The following SLC9A9 variants were observed in gnomAD, a reference collection of about 807,000 sequenced individuals.
SLC9A9 encodes solute carrier family 9 member A9.
A neutral mutation model predicts 77.8 loss-of-function variants in SLC9A9; 62 were observed. The observed-to-expected ratio is 0.80, with a 90% CI of 0.65 to 0.98. The LOEUF is 0.98. SLC9A9 is among the 50% of genes least tolerant of loss of function. The pLI, the probability that SLC9A9 is intolerant of heterozygous loss-of-function variation, is 0.00. For synonymous variants in SLC9A9, 320 were observed against 283.5 expected, an observed-to-expected ratio of 1.13 and a Z score of -1.29; for missense variants, 775 against 774.9, an observed-to-expected ratio of 1.00 and a Z score of 0.00.
In SLC9A9 at chr3:143,466,997, T is replaced by G. The variant is rs2035290346; in HGVS notation, c.1469+40A>C. ...TACCAGAAATTGAACAGCGCAGCCA[T>G]GCCTCATAATGATTTCCTTTGCTAG... On this transcript the variant is annotated intron_variant, in intron 12 of 15. Transcript: ENST00000316549. The G allele has an allele frequency of 3.7e-6, 6 of 1,604,512 alleles. No individual in the cohort carries two copies. In the South Asian group the frequency reaches 6.7e-5, roughly 18 times the overall value.
At chr3:143,476,165 A>G (rs981347699) in intron 11 of SLC9A9, among the ~76,000 whole-genome samples, 1 of 152,122 alleles carries the variant, frequency 6.6e-6, no homozygotes, top group Non-Finnish European at 1.5e-5. Flanking sequence ...TTCCAGGATA[A>G]TGCAATCTTG....
At chr3:143,689,563 C>T (rs950947576) in intron 5 of SLC9A9, among the ~76,000 whole-genome samples, 2 of 151,944 alleles carry the variant, frequency 1.3e-5, no homozygotes, top group Admixed American at 6.6e-5. Context: ...CACCACCACA[C>T]TAGGCTATTT....
intron 4 of SLC9A9, among the ~76,000 whole-genome samples, chr3:143,766,688 G>A (rs939433306): frequency 2.6e-5 from 4 of 152,128 alleles, no homozygotes; most frequent in Non-Finnish European, 4.4e-5. Context: ...TCCTGCCTCA[G>A]CCTTCTGAAT....
At chr3:143,682,226 T>C (rs1050566556) in intron 5 of SLC9A9, among the ~76,000 whole-genome samples, 2 of 152,204 alleles carry the variant, frequency 1.3e-5, no homozygotes, top group African/African-American at 4.8e-5. Context: ...AAGTCACTAC[T>C]TTCCCAGAAT....
chr3:143,547,323 G>A (rs1428194990), intron 9 of SLC9A9, among the ~76,000 whole-genome samples: 1 of 151,862 alleles, frequency 6.6e-6, no homozygotes, highest in Non-Finnish European at 1.5e-5. Context: ...TTTTCTCCTA[G>A]ACCTCTCTTC....
chr3:143,382,080 C>T lies in SLC9A9; in HGVS notation c.1504G>A (p.Asp502Asn), dbSNP rs780376481. Residue 502 changes from aspartate (D) to asparagine (N), a missense_variant, in exon 13 of 16, where the codon GAC becomes AAC. Physicochemically the swap from Asp to Asn is conservative, Grantham distance 23 (BLOSUM62 1). Coordinates refer to ENST00000316549, the MANE Select transcript of SLC9A9 (RefSeq NM_173653.4). Reference sequence around the variant, plus strand: ...CTTGCCTGGTGTTGTGAGGAGGGGTCCTCCTTCAGATTTTCATCCAGGTCC... The same window carrying T: ...CTTGCCTGGTGTTGTGAGGAGGGGTTCTCCTTCAGATTTTCATCCAGGTCC... ...GVDLDENLKE[D>N]PSSQHQEANN... The T allele has an allele frequency of 6.2e-7, 1 of 1,614,038 alleles. No homozygotes were observed. The highest frequency in any genetic ancestry group is 1.1e-5 in the South Asian group (1 of 91,080).
intron 9 of SLC9A9, chr3:143,517,215 C>A: frequency 6.1e-6 from 8 of 1,304,532 alleles, no homozygotes; most frequent in Non-Finnish European, 2.2e-6. Context: ...GGGTTCTGAG[C>A]CACATCCTGG....
Position 143,639,195 on chromosome 3 carries a change from G to A in SLC9A9, c.755+13060C>T, listed in dbSNP as rs143436641. ...CTACCCTCCACCCCCTGAAGTGAGA[G>A]CCATAGCTTCCTTTAACTCTTGACT... is the stretch of plus-strand genomic sequence containing the variant. On this transcript the variant is annotated intron_variant, in intron 6 of 15. Transcript: ENST00000316549. 2.6e-4 allele frequency among the ~76,000 whole-genome samples: 39 copies of A among 152,318 alleles called. No individual in the cohort carries two copies. The East Asian group carries it at 6.4e-3, about 25-fold the overall frequency.
rs1217913583 is a variant in SLC9A9 at position 143,730,857 on chromosome 3, C to CA, written c.534-37551_534-37550insT. Among the ~76,000 whole-genome samples, 1,051 of 151,610 alleles carry CA rather than the reference C, an allele frequency of 6.9e-3. 7 individuals carry two copies. The highest frequency in any genetic ancestry group is 0.024 in the African/African-American group (985 of 41,216). The stretch of plus-strand genomic sequence containing the variant: ...TAAGTTTTCTAAGAAGTCAGCATGA[C>CA]TTAAAAAAAAAGAAAAAGAAAAAGG... On this transcript the variant is annotated intron_variant, in intron 4 of 15. Coordinates refer to ENST00000316549, the MANE Select transcript of SLC9A9 (RefSeq NM_173653.4).
intron 4 of SLC9A9, among the ~76,000 whole-genome samples, chr3:143,790,424 T>C (rs541795489): frequency 1.3e-5 from 2 of 152,214 alleles, no homozygotes; most frequent in Non-Finnish European, 2.9e-5. Context: ...ATATTTAGAT[T>C]TTTCATGATT....
chr3:143,509,940 A>G (rs957905617), intron 9 of SLC9A9, among the ~76,000 whole-genome samples: 4 of 152,182 alleles, frequency 2.6e-5, no homozygotes, highest in Admixed American at 6.5e-5. Context: ...GTTGCTCTCC[A>G]GTGTGCCCAG....
At chr3:143,733,439 G>A (rs896604915) in intron 4 of SLC9A9, among the ~76,000 whole-genome samples, 2 of 152,044 alleles carry the variant, frequency 1.3e-5, no homozygotes, top group Non-Finnish European at 2.9e-5. Flanking sequence ...GGAAGATAAA[G>A]GCCACTCCTC....
intron 4 of SLC9A9, among the ~76,000 whole-genome samples, chr3:143,708,924 G>T (rs1934067549): frequency 6.6e-6 from 1 of 152,188 alleles, no homozygotes. Flanking sequence ...TAAGGCTAAA[G>T]TGATAAAAGG....
rs546802418 is a variant in SLC9A9, at chr3:143,536,482, A to C, written c.1089+15880T>G. Among the ~76,000 whole-genome samples the C allele has an allele frequency of 3.3e-5, 5 of 152,364 alleles. No individual in the cohort carries two copies. In the South Asian group the frequency reaches 1.0e-3, roughly 32 times the overall value. ...TACTAAGTTTAAAATCAAAGAAGTG[A>C]AAGTAGATTCCCATTTTTTAATGTA... On this transcript the variant is annotated intron_variant, in intron 9 of 15. Transcript: ENST00000316549.
At chr3:143,831,405 C>T (rs79783004) in intron 2 of SLC9A9, among the ~76,000 whole-genome samples, 1,876 of 152,284 alleles carry the variant, frequency 0.012, 41 homozygotes, top group African/African-American at 0.043. Flanking sequence ...GTTCACAAAT[C>T]TGCAATTATG....
At chr3:143,837,071 C>T (rs1307232117) in intron 1 of SLC9A9, among the ~76,000 whole-genome samples, 1 of 152,126 alleles carries the variant, frequency 6.6e-6, no homozygotes, top group Non-Finnish European at 1.5e-5. Context: ...AAAATAGGGA[C>T]TTACTTTTTT....
At chr3:143,467,668 G>A (rs144644734) in intron 11 of SLC9A9, among the ~76,000 whole-genome samples, 24 of 151,400 alleles carry the variant, frequency 1.6e-4, no homozygotes, top group African/African-American at 5.6e-4. Context: ...GGAGTTCAAG[G>A]CTGCAATGAG....
intron 14 of SLC9A9, among the ~76,000 whole-genome samples, chr3:143,324,153 G>A (rs1408845302): frequency 6.6e-6 from 1 of 152,074 alleles, no homozygotes; most frequent in Non-Finnish European, 1.5e-5. Flanking sequence ...GCTCTATTGG[G>A]AGGGGGTAGA....
At chr3:143,567,365 C>G (rs970962004) in intron 8 of SLC9A9, among the ~76,000 whole-genome samples, 1 of 152,104 alleles carries the variant, frequency 6.6e-6, no homozygotes, top group Non-Finnish European at 1.5e-5. Context: ...CACATATGTT[C>G]TCTTCTTTCT....
Sources: allele counts gnomAD v4.1 joint callset (sites outside exome capture counted in the v4.1 genomes callset), GRCh38; gene constraint gnomAD v4.1.1; transcripts MANE v1.5; gene names NCBI Gene and HGNC (gene_info 2026-07-23, HGNC 2026-07-21).